Variants in ZC3H7B observed in about 807,000 individuals in gnomAD.
ZC3H7B encodes the protein zinc finger CCCH domain-containing protein 7B.
In ZC3H7B, 35 loss-of-function variants were observed where a neutral mutation model predicts 116.0. The ratio of observed to expected loss-of-function variants is 0.30; its 90% CI spans 0.23 to 0.40. The LOEUF (loss-of-function observed/expected upper bound fraction) is 0.40, where lower values mean the gene tolerates loss of function less well. Among genes scored for constraint, ZC3H7B ranks in the 10% least tolerant of loss-of-function variants. The pLI, the probability that ZC3H7B is intolerant of heterozygous loss-of-function variation, is 1.00. For missense variants in ZC3H7B, 1,011 were observed against 1,321.5 expected (o/e 0.77, Z 3.64); for synonymous variants, 502 against 545.6 (o/e 0.92, Z 1.11).
chr22:41,346,257 G>C lies in ZC3H7B; in HGVS notation c.1665+49G>C. The C allele has an allele frequency of 6.3e-7, 1 of 1,588,304 alleles. No individual in the cohort carries two copies. The highest frequency in any genetic ancestry group is 8.5e-7 in the Non-Finnish European group (1 of 1,171,030). ...ACCCCATAGGCCATGGCACAGACAG[G>C]GCTGGGGATGCTCCCTGGCACGGAC... On this transcript the variant is annotated intron_variant, in intron 14 of 22. Coordinates refer to ENST00000352645, the MANE Select transcript of ZC3H7B (RefSeq NM_017590.6). This position sits in a 1 kb window ranked among gnomAD's most constrained non-coding sequence, Gnocchi z 5.3.
chr22:41,328,076 G>A (rs1326201206), intron 5 of ZC3H7B, among the ~76,000 whole-genome samples: 2 of 152,018 alleles, frequency 1.3e-5, no homozygotes, highest in African/African-American at 2.4e-5. Flanking sequence ...GCAGTGAGCT[G>A]TGATTGCACC....
At chr22:41,326,008 T>C in intron 4 of ZC3H7B, 90 bp downstream of exon 4, 1 of 1,443,664 alleles carries the variant, frequency 6.9e-7, no homozygotes, top group Non-Finnish European at 9.3e-7. Flanking sequence ...AGTGAGCCTG[T>C]AGACCAGGGC....
At chr22:41,314,978 T>A (rs904090556) in intron 1 of ZC3H7B, among the ~76,000 whole-genome samples, 1 of 112,792 alleles carries the variant, frequency 8.9e-6, no homozygotes, top group Non-Finnish European at 2.1e-5. Context: ...AATAAAAATT[T>A]AAAAAATCTG....
chr22:41,330,410 T>C (rs1263857809), intron 6 of ZC3H7B, among the ~76,000 whole-genome samples: 1 of 152,236 alleles, frequency 6.6e-6, no homozygotes, highest in Admixed American at 6.5e-5. Flanking sequence ...CAGCATTATG[T>C]TCTCAACACC....
In ZC3H7B at chr22:41,346,262, G is replaced by C; in HGVS notation, c.1665+54G>C. Reference sequence around the variant, plus strand: ...ATAGGCCATGGCACAGACAGGGCTGGGGATGCTCCCTGGCACGGACCACCA... The same window carrying C: ...ATAGGCCATGGCACAGACAGGGCTGCGGATGCTCCCTGGCACGGACCACCA... On this transcript the variant is annotated intron_variant, in intron 14 of 22. Coordinates refer to ENST00000352645, the MANE Select transcript of ZC3H7B (RefSeq NM_017590.6). This position sits in a 1 kb window ranked among gnomAD's most constrained non-coding sequence, Gnocchi z 5.3. 6.3e-7 allele frequency: 1 copy of C among 1,584,494 alleles called. No individual in the cohort carries two copies. Among genetic ancestry groups the C allele is most frequent in the Non-Finnish European group, 8.6e-7 (1 of 1,168,858 alleles).
intron 1 of ZC3H7B, among the ~76,000 whole-genome samples, chr22:41,312,435 TAATGATAATAA>T (rs2145900291): frequency 3.6e-5 from 1 of 27,598 alleles, no homozygotes; most frequent in African/African-American, 2.3e-4. Context: ...GACCCTGTCT[TAATGATAATAA>T]TAATAATAAT....
In ZC3H7B at chr22:41,346,117, T is replaced by C. The variant is rs1221699098; in HGVS notation, c.1574T>C (p.Leu525Pro). The C allele has an allele frequency of 6.2e-7, 1 of 1,613,608 alleles. No individual in the cohort carries two copies. Among genetic ancestry groups the C allele is most frequent in the African/African-American group, 1.3e-5 (1 of 74,908 alleles). ...AAGGGCACCCTCAACCGCGACCTGC[T>C]CTTCGACCCGCTGGGGGGTGTTAAG... ...ERKGTLNRDL[L>P]FDPLGGVKRG... The change falls in exon 14 of 23, where the codon CTC becomes CCC. Residue 525 changes from leucine (L) to proline (P), a missense_variant. Coordinates refer to ENST00000352645, the MANE Select transcript of ZC3H7B (RefSeq NM_017590.6). The surrounding 1 kb of genome is among the most constrained non-coding windows in gnomAD (Gnocchi z 5.3).
rs982675987 is a variant in ZC3H7B at position 41,346,687 on chromosome 22, A to G, written c.1665+479A>G. Among the ~76,000 whole-genome samples, 166 of 152,264 alleles carry G rather than the reference A, an allele frequency of 1.1e-3. No homozygotes were observed. Among genetic ancestry groups the G allele is most frequent in the African/African-American group, 3.9e-3 (161 of 41,560 alleles). ...AAAAATTAGCTGGGCGTTGTGGTGCACGCCTGTAGTCCCAGCTAGTTGGGA... is the reference window on the plus strand; with the variant it reads ...AAAAATTAGCTGGGCGTTGTGGTGCGCGCCTGTAGTCCCAGCTAGTTGGGA... On this transcript the variant is annotated intron_variant, in intron 14 of 22. Transcript: ENST00000352645. The surrounding 1 kb of genome is among the most constrained non-coding windows in gnomAD (Gnocchi z 5.3).
rs1204488112 is a variant in ZC3H7B at position 41,332,165 on chromosome 22, T to C, written c.526-6T>C. ...CCTCTGCCCACCTCTCTCCAATCTC[T>C]GGCAGGAATTGGAAACCTTTTCTCT... On this transcript the variant is annotated splice_polypyrimidine_tract_variant and splice_region_variant and intron_variant, in intron 6 of 22. Coordinates refer to ENST00000352645, the MANE Select transcript of ZC3H7B (RefSeq NM_017590.6). 26 of 1,613,912 alleles carry C rather than the reference T, an allele frequency of 1.6e-5. No individual in the cohort carries two copies. Among genetic ancestry groups the C allele is most frequent in the African/African-American group, 2.7e-5 (2 of 74,900 alleles).
chr22:41,340,371 C>T (rs1359848397), intron 10 of ZC3H7B, among the ~76,000 whole-genome samples: 1 of 151,984 alleles, frequency 6.6e-6, no homozygotes, highest in Non-Finnish European at 1.5e-5. Flanking sequence ...TGCGACAGTC[C>T]AGGCCTCTAG....
chr22:41,341,627 C>G (rs1264712039), intron 11 of ZC3H7B, among the ~76,000 whole-genome samples: 1 of 151,912 alleles, frequency 6.6e-6, no homozygotes, highest in Non-Finnish European at 1.5e-5. Flanking sequence ...CCTGTAGTCC[C>G]AGCTACTCGC....
At chr22:41,344,650 T>C (rs1352950882) in intron 13 of ZC3H7B, among the ~76,000 whole-genome samples, 2 of 152,138 alleles carry the variant, frequency 1.3e-5, no homozygotes, top group Admixed American at 6.5e-5. Flanking sequence ...TGTTTGTCCT[T>C]GTGCGCCAAG....
intron 1 of ZC3H7B, among the ~76,000 whole-genome samples, chr22:41,309,130 G>T (rs1233509224): frequency 7.4e-5 from 11 of 148,182 alleles, no homozygotes; most frequent in Admixed American, 7.0e-5. Context: ...TCCTGCCTCA[G>T]CCTCCCGTGT....
intron 1 of ZC3H7B, among the ~76,000 whole-genome samples, chr22:41,312,434 T>TTAATAA (rs766654717): frequency 3.4e-4 from 46 of 134,598 alleles, no homozygotes; most frequent in African/African-American, 1.0e-3. Context: ...AGACCCTGTC[T>TTAATAA]TAATGATAAT....
intron 2 of ZC3H7B, among the ~76,000 whole-genome samples, chr22:41,325,233 C>T (rs1569234462): frequency 1.3e-5 from 2 of 151,752 alleles, no homozygotes; most frequent in Non-Finnish European, 2.9e-5. Flanking sequence ...TGGCTTGGGG[C>T]TGGGGCTGTC....
intron 7 of ZC3H7B, chr22:41,333,916 C>T (rs536439107): frequency 6.6e-6 from 1 of 152,356 alleles, no homozygotes; most frequent in South Asian, 2.1e-4. Context: ...CTGATTTAGA[C>T]AGGATTCAGT....
At chr22:41,326,957 C>G (rs879417435) in intron 4 of ZC3H7B, among the ~76,000 whole-genome samples, 1 of 152,214 alleles carries the variant, frequency 6.6e-6, no homozygotes, top group Non-Finnish European at 1.5e-5. Context: ...TCAGGCCCTT[C>G]CCTGCAATAT....
chr22:41,356,051 A>G lies in ZC3H7B; in HGVS notation c.2372A>G (p.Lys791Arg), dbSNP rs1318196826. The G allele has an allele frequency of 5.1e-6, 8 of 1,567,224 alleles. No homozygotes were observed. Among genetic ancestry groups the G allele is most frequent in the Middle Eastern group, 1.7e-4 (1 of 5,876 alleles). ...GAGAGGGACATGTGGACCTTCATGA[A>G]GGAGAACAAGAGTGAGTGGGCAGAC... ...PEERDMWTFM[K>R]ENKILDMQQT... Residue 791 changes from lysine (K) to arginine (R), a missense_variant, in exon 20 of 23, where the codon AAG (lysine) becomes AGG (arginine). Coordinates refer to ENST00000352645, the MANE Select transcript of ZC3H7B (RefSeq NM_017590.6).
chr22:41,329,971 C>A lies in ZC3H7B; in HGVS notation c.445-52C>A, dbSNP rs1412364817. On this transcript the variant is annotated intron_variant, in intron 5 of 22. Coordinates refer to ENST00000352645, the MANE Select transcript of ZC3H7B (RefSeq NM_017590.6). ...GCTGCACAGGTGTCCAGGAGCACAG[C>A]TTTGTGAGCCCGGGCAGACTGACCC... The A allele has an allele frequency of 1.1e-5, 17 of 1,598,466 alleles. No individual in the cohort carries two copies. In the Admixed American group the frequency reaches 1.5e-4, roughly 14 times the overall value.
Sources: gnomAD v4.1 joint callset for allele counts (sites outside exome capture counted in the v4.1 genomes callset) on GRCh38, gnomAD v4.1.1 for gene constraint, Gnocchi (gnomAD v3.1) non-coding constraint, MANE v1.5 for transcripts, NCBI Gene and HGNC (gene_info 2026-07-23, HGNC 2026-07-21) for gene names.